The following SMARCC1 variants were observed in gnomAD, a reference collection of about 807,000 sequenced individuals.
SMARCC1 encodes the protein SWI/SNF related BAF chromatin remodeling complex subunit C1, also known as SWI/SNF complex subunit SMARCC1.
Under a neutral mutation model 147.4 loss-of-function variants are expected in SMARCC1, and 43 were observed. The ratio of observed to expected loss-of-function variants is 0.29; its 90% CI spans 0.23 to 0.38. The LOEUF is 0.38. Among genes scored for constraint, SMARCC1 ranks in the 10% least tolerant of loss-of-function variants. The pLI is 1.00. For missense variants in SMARCC1, 1,119 were observed against 1,381.1 expected (o/e 0.81, Z 3.01); for synonymous variants, 495 against 484.4 (o/e 1.02, Z -0.29).
intron 2 of SMARCC1, among the ~76,000 whole-genome samples, chr3:47,749,736 CAGAGAGAGAGAGAG>C (rs71070224): frequency 9.0e-6 from 1 of 110,798 alleles, no homozygotes; most frequent in Non-Finnish European, 1.8e-5. Flanking sequence ...GAGAAAGAGA[CAGAGAGAGAGAGAG>C]AGAGAGAGAG....
At chr3:47,753,540 G>A (rs570244121) in intron 2 of SMARCC1, among the ~76,000 whole-genome samples, 29 of 151,228 alleles carry the variant, frequency 1.9e-4, no homozygotes, top group African/African-American at 6.3e-4. Context: ...GTGAAACCCC[G>A]TCTCTACTAA....
intron 3 of SMARCC1, among the ~76,000 whole-genome samples, chr3:47,740,866 A>AC (rs542655353): frequency 0.02 from 3,062 of 150,020 alleles, 43 homozygotes; most frequent in Non-Finnish European, 0.033. Context: ...AAAAAAAAAA[A>AC]AAACAAAAAC....
intron 2 of SMARCC1, among the ~76,000 whole-genome samples, chr3:47,754,187 A>G (rs939160789): frequency 2.0e-5 from 3 of 151,636 alleles, no homozygotes; most frequent in African/African-American, 7.3e-5. Flanking sequence ...ACTTGTCACA[A>G]CAAGCATATG....
chr3:47,641,836 G>A lies in SMARCC1; in HGVS notation c.2321-3056C>T, dbSNP rs141488189. Among the ~76,000 whole-genome samples, 722 of 152,272 alleles carry A rather than the reference G, an allele frequency of 4.7e-3. 6 individuals are homozygous for A. The highest frequency in any genetic ancestry group is 0.016 in the African/African-American group (680 of 41,552). On this transcript the variant is annotated intron_variant, in intron 21 of 27. Coordinates refer to ENST00000254480, the MANE Select transcript of SMARCC1 (RefSeq NM_003074.4). The stretch of plus-strand genomic sequence containing the variant: ...AATGCAGGTTGAAGTGCAGTGGCGA[G>A]ACATAGCTCACTGCAGCCTCAAACT...
intron 2 of SMARCC1, among the ~76,000 whole-genome samples, chr3:47,762,690 G>C (rs2034788212): frequency 6.6e-6 from 1 of 152,212 alleles, no homozygotes; most frequent in Non-Finnish European, 1.5e-5. Flanking sequence ...GGGAGGCCGA[G>C]ATGGGAGAAT....
chr3:47,726,061 C>CAAAAAAAAAAAAAAAAAAAA (rs546659321), intron 6 of SMARCC1, among the ~76,000 whole-genome samples: 7 of 50,782 alleles, frequency 1.4e-4, no homozygotes, highest in East Asian at 7.0e-4. Flanking sequence ...GACTCTGTCT[C>CAAAAAAAAAAAAAAAAAAAA]AAAAAAAAAA....
At chr3:47,633,733 G>T (rs13069142) in intron 24 of SMARCC1, among the ~76,000 whole-genome samples, 26,031 of 96,894 alleles carry the variant, frequency 0.27, 3,864 homozygotes, top group South Asian at 0.46. Context: ...GACAGAGTGA[G>T]ACTGTCTCAA....
At chr3:47,756,569 A>C (rs907796345) in intron 2 of SMARCC1, among the ~76,000 whole-genome samples, 5 of 150,582 alleles carry the variant, frequency 3.3e-5, no homozygotes, top group African/African-American at 1.2e-4. Context: ...AAAGATTTCT[A>C]TAAGAACACA....
intron 25 of SMARCC1, among the ~76,000 whole-genome samples, chr3:47,616,063 G>C (rs907784392): frequency 2.0e-5 from 3 of 152,162 alleles, no homozygotes; most frequent in African/African-American, 4.8e-5. Flanking sequence ...GCTATAAATG[G>C]AATCAGCTCA....
rs542724715 is a variant in SMARCC1, at chr3:47,760,173, G to A, written c.315+12644C>T. On this transcript the variant is annotated intron_variant, in intron 2 of 27. Transcript: ENST00000254480. ...TACCAAAAATACAAAATATCAGCTGGGAATGGTGGTGCACACCTGTTAATC... is the reference window on the plus strand; with the variant it reads ...TACCAAAAATACAAAATATCAGCTGAGAATGGTGGTGCACACCTGTTAATC... 3.3e-5 allele frequency among the ~76,000 whole-genome samples: 5 copies of A among 152,038 alleles called. No individual in the cohort carries two copies. In the East Asian group the frequency reaches 7.8e-4, roughly 24 times the overall value.
At chr3:47,757,447 A>T (rs1042601724) in intron 2 of SMARCC1, among the ~76,000 whole-genome samples, 1 of 152,102 alleles carries the variant, frequency 6.6e-6, no homozygotes, top group Non-Finnish European at 1.5e-5. Context: ...AATGTAAAAG[A>T]CAAAAAGATT....
intron 2 of SMARCC1, among the ~76,000 whole-genome samples, chr3:47,747,521 C>T (rs1288270010): frequency 8.3e-6 from 1 of 119,974 alleles, no homozygotes; most frequent in East Asian, 2.4e-4. Context: ...CCTGTAGTCC[C>T]ACCTACTCAG....
At chr3:47,673,682 C>CA (rs1224561419) in intron 18 of SMARCC1, among the ~76,000 whole-genome samples, 1 of 152,186 alleles carries the variant, frequency 6.6e-6, no homozygotes, top group Admixed American at 6.5e-5. Flanking sequence ...AGGGCAAACT[C>CA]AGTCTCAAAA....
Position 47,781,684 on chromosome 3 carries a change from C to T in SMARCC1, c.114G>A (p.Pro38=), listed in dbSNP as rs1401793621. The change falls in exon 1 of 28, where the codon CCG becomes CCA. Residue 38 remains proline, a synonymous_variant. Transcript: ENST00000254480. The stretch of plus-strand genomic sequence containing the variant: ...CCGGGCTCTCCCAAAACTTGGTGGC[C>T]GGGCCCCCATCCTTCCGTCGATAAA... The part of the protein sequence containing the change: ...LAVYRRKDGG[P]ATKFWESPET... 1 of 1,562,470 alleles carries T rather than the reference C, an allele frequency of 6.4e-7. No individual in the cohort carries two copies. The highest frequency in any genetic ancestry group is 8.6e-7 in the Non-Finnish European group (1 of 1,158,228).
intron 24 of SMARCC1, among the ~76,000 whole-genome samples, chr3:47,632,175 G>A (rs926445790): frequency 2.6e-5 from 4 of 152,168 alleles, no homozygotes; most frequent in Non-Finnish European, 5.9e-5. Context: ...TTTCTCTGCA[G>A]TGAAGGAGTC....
intron 9 of SMARCC1, 21 bp from the exon 10 acceptor site, chr3:47,706,551 A>G (rs1253563836): frequency 9.8e-6 from 15 of 1,531,938 alleles, no homozygotes; most frequent in Middle Eastern, 2.0e-4. Context: ...GTAAATGGAA[A>G]TAAGTATCAG....
At chr3:47,737,221 A>G (rs2034454318) in intron 4 of SMARCC1, among the ~76,000 whole-genome samples, 1 of 151,940 alleles carries the variant, frequency 6.6e-6, no homozygotes, top group Non-Finnish European at 1.5e-5. Context: ...GCAAAACCCC[A>G]TTTCTACAAA....
intron 2 of SMARCC1, among the ~76,000 whole-genome samples, chr3:47,762,706 G>C (rs1327497814): frequency 2.6e-5 from 4 of 152,204 alleles, no homozygotes; most frequent in African/African-American, 9.6e-5. Context: ...AGAATCACCT[G>C]AGGTCAGGAG....
In SMARCC1 at chr3:47,781,871, CCCCCGCGCGCGT is replaced by C; in HGVS notation, c.-86_-75del. 1 of 1,050,782 alleles carries C rather than the reference CCCCCGCGCGCGT, an allele frequency of 9.5e-7. No individual in the cohort carries two copies. Among genetic ancestry groups the C allele is most frequent in the South Asian group, 3.6e-5 (1 of 27,638 alleles). The allele number at this position is 1,050,782 out of a possible 1,614,324, so 65.1% of individuals were successfully genotyped here. A position where few individuals can be genotyped will look rare whatever the true frequency, so the allele number is the denominator to read the frequency against. ...TGTTTCCCGGTCGTTCCCGCGCGCA[CCCCCGCGCGCGT>C]AGCCGCCACTGCCGCTTCCCGGCCC... On this transcript the variant is annotated 5_prime_UTR_variant, in exon 1 of 28. Coordinates refer to ENST00000254480, the MANE Select transcript of SMARCC1 (RefSeq NM_003074.4).
Sources: gnomAD v4.1 joint callset for allele counts (sites outside exome capture counted in the v4.1 genomes callset) on GRCh38, gnomAD v4.1.1 for gene constraint, MANE v1.5 for transcripts, NCBI Gene and HGNC (gene_info 2026-07-23, HGNC 2026-07-21) for gene names.